Variants in MOXD1 observed in about 807,000 individuals in gnomAD.
MOXD1 encodes DBH-like monooxygenase protein 1.
Under a neutral mutation model 66.6 loss-of-function variants are expected in MOXD1, and 62 were observed. The observed-to-expected ratio is 0.93, with a 90% CI of 0.76 to 1.15. The LOEUF (loss-of-function observed/expected upper bound fraction) is 1.15. Among genes scored for constraint, MOXD1 ranks in the 50% most tolerant of loss-of-function variants. MOXD1 has a pLI of 0.00. For missense variants in MOXD1, 847 were observed against 754.6 expected (o/e 1.12, Z -1.44); for synonymous variants, 303 against 281.9 (o/e 1.07, Z -0.75).
Position 132,349,622 on chromosome 6 carries a change from C to G in MOXD1, c.664-21028G>C, listed in dbSNP as rs141318874. On this transcript the variant is annotated intron_variant, in intron 4 of 11. Coordinates refer to ENST00000367963, the MANE Select transcript of MOXD1 (RefSeq NM_015529.4). ...CTTTTTCATATAATGACTTACTTTC[C>G]TCTGGGTAGATACCCAGTAGTGAGA... is the stretch of plus-strand genomic sequence containing the variant. Among the ~76,000 whole-genome samples the G allele has an allele frequency of 4.3e-3, 656 of 151,640 alleles. 5 individuals are homozygous for G. The highest frequency in any genetic ancestry group is 0.013 in the African/African-American group (554 of 41,334).
intron 4 of MOXD1, among the ~76,000 whole-genome samples, chr6:132,358,753 A>G (rs73546061): frequency 0.027 from 4,115 of 152,284 alleles, 204 homozygotes; most frequent in African/African-American, 0.094. Context: ...AATTTTATTA[A>G]TAAAGGTAAT....
intron 9 of MOXD1, among the ~76,000 whole-genome samples, chr6:132,317,738 G>GA (rs1227607214): frequency 1.3e-5 from 2 of 151,942 alleles, no homozygotes; most frequent in Admixed American, 6.6e-5. Context: ...TAAGGCATGA[G>GA]AAAAAAATAA....
At chr6:132,310,574 T>C (rs918539024) in intron 10 of MOXD1, among the ~76,000 whole-genome samples, 1 of 152,134 alleles carries the variant, frequency 6.6e-6, no homozygotes. Flanking sequence ...CTATTTACAA[T>C]AGCAAAGCCA....
At position 132,320,619 on chromosome 6, in the gene MOXD1, G is replaced by A. The variant is rs1394434271; in HGVS notation, c.1365+10C>T. 3 of 1,592,858 alleles carry A rather than the reference G, an allele frequency of 1.9e-6. No individual in the cohort carries two copies. Among genetic ancestry groups the A allele is most frequent in the African/African-American group, 1.4e-5 (1 of 73,928 alleles). On this transcript the variant is annotated intron_variant, in intron 9 of 11. Transcript: ENST00000367963. ...TAAATGAACTTTAATAATAATAAAAGTTTTCTTACCCAAGTCATCTCAGCT... is the reference window on the plus strand; with the variant it reads ...TAAATGAACTTTAATAATAATAAAAATTTTCTTACCCAAGTCATCTCAGCT...
At chr6:132,378,229 T>G (rs1476906774) in intron 1 of MOXD1, among the ~76,000 whole-genome samples, 3 of 152,160 alleles carry the variant, frequency 2.0e-5, no homozygotes, top group African/African-American at 7.2e-5. Context: ...GCTATCCAAA[T>G]AATATTATTA....
intron 4 of MOXD1, among the ~76,000 whole-genome samples, chr6:132,363,717 G>A (rs1776061970): frequency 6.6e-6 from 1 of 152,006 alleles, no homozygotes; most frequent in Non-Finnish European, 1.5e-5. Flanking sequence ...CTTTGTGGGA[G>A]GCTGTGAAAA....
chr6:132,348,905 G>A (rs1169250978), intron 4 of MOXD1, among the ~76,000 whole-genome samples: 2 of 152,098 alleles, frequency 1.3e-5, no homozygotes, highest in African/African-American at 2.4e-5. Context: ...CATCAAAGAA[G>A]GTGCCAAGTC....
Position 132,327,276 on chromosome 6 carries a change from A to C in MOXD1, c.946+737T>G, listed in dbSNP as rs538936118. On this transcript the variant is annotated intron_variant, in intron 6 of 11. Transcript: ENST00000367963. ...ATAATTTCATATGATTGCTATGAAA[A>C]ATTGATTGTTTCTTTTTCACATTGG... Among the ~76,000 whole-genome samples, 4 of 152,260 alleles carry C rather than the reference A, an allele frequency of 2.6e-5. No homozygotes were observed. In the South Asian group the frequency reaches 8.3e-4, roughly 32 times the overall value.
intron 1 of MOXD1, among the ~76,000 whole-genome samples, chr6:132,400,647 T>A (rs1777001518): frequency 6.6e-6 from 1 of 152,118 alleles, no homozygotes; most frequent in African/African-American, 2.4e-5. Flanking sequence ...TTAGGGGCCC[T>A]TCATTCTTCT....
intron 1 of MOXD1, among the ~76,000 whole-genome samples, chr6:132,385,613 A>T (rs1776614468): frequency 6.6e-6 from 1 of 151,552 alleles, no homozygotes; most frequent in South Asian, 2.1e-4. Flanking sequence ...CCTCCCAAGT[A>T]ACTGGGATTA....
chr6:132,342,382 A>G (rs760980129), intron 4 of MOXD1, among the ~76,000 whole-genome samples: 63 of 152,242 alleles, frequency 4.1e-4, no homozygotes, highest in Non-Finnish European at 6.8e-4. Flanking sequence ...GTTTAAAACT[A>G]TACTCAGTTC....
At chr6:132,303,166 CA>C (rs1245108619) in intron 10 of MOXD1, among the ~76,000 whole-genome samples, 11 of 151,556 alleles carry the variant, frequency 7.3e-5, no homozygotes, top group African/African-American at 2.7e-4. Flanking sequence ...CAAAACAAAC[CA>C]AAAAAATGAT....
In MOXD1 at chr6:132,328,043, C is replaced by T. The variant is rs924846024; in HGVS notation, c.916G>A (p.Val306Ile). 1 of 1,613,596 alleles carries T rather than the reference C, an allele frequency of 6.2e-7. No individual in the cohort carries two copies. Residue 306 changes from valine to isoleucine, a missense_variant, in exon 6 of 12, where the codon GTC becomes ATC. Transcript: ENST00000367963. ...PLDPHYVLLE[V>I]HYDNPTYEEG... is the part of the protein sequence containing the mutation. ...TCATAAGTGGGATTATCATAATGGA[C>T]TTCTAGGAGCACATAATGCGGATCT...
At chr6:132,365,155 T>G (rs1313191091) in intron 4 of MOXD1, among the ~76,000 whole-genome samples, 4 of 152,118 alleles carry the variant, frequency 2.6e-5, no homozygotes, top group African/African-American at 9.7e-5. Context: ...TAAGAAAGTC[T>G]ATGAGCCTCT....
chr6:132,394,748 T>G (rs1322913402), intron 1 of MOXD1, among the ~76,000 whole-genome samples: 1 of 152,062 alleles, frequency 6.6e-6, no homozygotes, highest in Non-Finnish European at 1.5e-5. Flanking sequence ...GAGAGGTATT[T>G]TGAAATAACT....
chr6:132,299,696 A>T (rs1488507067), intron 10 of MOXD1, among the ~76,000 whole-genome samples: 1 of 152,094 alleles, frequency 6.6e-6, no homozygotes, highest in Non-Finnish European at 1.5e-5. Context: ...GGAAAAGTGT[A>T]AGTGCTGGCA....
intron 4 of MOXD1, among the ~76,000 whole-genome samples, chr6:132,338,153 A>G (rs1047367623): frequency 6.6e-6 from 1 of 152,192 alleles, no homozygotes; most frequent in Non-Finnish European, 1.5e-5. Flanking sequence ...TGAAGCACAT[A>G]TAAGTTAAGA....
At chr6:132,328,352 C>T in intron 5 of MOXD1, 63 bp downstream of exon 5, 4 of 1,575,092 alleles carry the variant, frequency 2.5e-6, no homozygotes, top group African/African-American at 1.4e-5. Context: ...TAATTAGAAT[C>T]ATATTTGTGG....
chr6:132,385,188 A>G (rs557700095), intron 1 of MOXD1, among the ~76,000 whole-genome samples: 105 of 152,220 alleles, frequency 6.9e-4, no homozygotes, highest in African/African-American at 2.4e-3. Flanking sequence ...TGGGAAGGAA[A>G]CAGGTTGGAG....
Sources: allele counts gnomAD v4.1 joint callset (sites outside exome capture counted in the v4.1 genomes callset), GRCh38; gene constraint gnomAD v4.1.1; transcripts MANE v1.5; gene names NCBI Gene and HGNC (gene_info 2026-07-23, HGNC 2026-07-21).